KCNQ4: variants seen among roughly 807,000 people sequenced by gnomAD.
The protein encoded by KCNQ4 is potassium voltage-gated channel subfamily KQT member 4.
KCNQ4 carries 31 observed loss-of-function variants against 72.6 expected under a neutral mutation model. The observed-to-expected ratio is 0.43, with a 90% CI of 0.32 to 0.58. The LOEUF (loss-of-function observed/expected upper bound fraction) is 0.58. Among genes scored for constraint, KCNQ4 ranks in the 20% least tolerant of loss-of-function variants. KCNQ4 has a pLI of 0.08. For synonymous variants in KCNQ4, 405 were observed against 403.7 expected (o/e 1.00, Z -0.04); for missense variants, 869 against 962.6 (o/e 0.90, Z 1.29).
chr1:40,814,451 T>C (rs1352479857), intron 1 of KCNQ4, among the ~76,000 whole-genome samples: 2 of 152,166 alleles, frequency 1.3e-5, no homozygotes, highest in African/African-American at 4.8e-5. Flanking sequence ...GTGGCTTACA[T>C]TGCCAGCTCT....
intron 1 of KCNQ4, among the ~76,000 whole-genome samples, chr1:40,812,227 T>C (rs538259391): frequency 7.2e-5 from 11 of 152,268 alleles, no homozygotes; most frequent in African/African-American, 2.2e-4. Context: ...CTGGAAGATA[T>C]GGATAATTAT....
intron 7 of KCNQ4, 104 bp downstream of exon 7, chr1:40,820,364 C>A: frequency 1.0e-6 from 1 of 968,250 alleles, no homozygotes; most frequent in Non-Finnish European, 1.6e-6. Flanking sequence ...TGTGACACCA[C>A]TTTGAAGCTC....
Position 40,819,333 on chromosome 1 carries a change from C to T in KCNQ4, c.709-14C>T. 3.7e-6 allele frequency: 6 copies of T among 1,613,570 alleles called. No individual in the cohort carries two copies. The highest frequency in any genetic ancestry group is 5.1e-6 in the Non-Finnish European group (6 of 1,179,916). The stretch of plus-strand genomic sequence containing the variant: ...CACAGCGCTCCTCACCGCGCCCCTC[C>T]GCCTGCCCCGCAGGAGCTGATCACC... On this transcript the variant is annotated splice_polypyrimidine_tract_variant and intron_variant, in intron 4 of 13. Transcript: ENST00000347132.
At chr1:40,791,189 TCCTGAG>T (rs1647278040) in intron 1 of KCNQ4, among the ~76,000 whole-genome samples, 1 of 152,096 alleles carries the variant, frequency 6.6e-6, no homozygotes, top group South Asian at 2.1e-4. Flanking sequence ...CCACCCCAGT[TCCTGAG>T]CCTCGGTATC....
rs1347827973 is a variant in KCNQ4 at position 40,784,894 on chromosome 1, C to T, written c.314+487C>T. ...CAGGGGTGCTCCTCTCCAGGGCGGC[C>T]CTCATTCCTACCCCTGCCCAGCTGA... On this transcript the variant is annotated intron_variant, in intron 1 of 13. Coordinates refer to ENST00000347132, the MANE Select transcript of KCNQ4 (RefSeq NM_004700.4). This position sits in a 1 kb window ranked among gnomAD's most constrained non-coding sequence, Gnocchi z 4.1. Among the ~76,000 whole-genome samples, 1 of 152,214 alleles carries T rather than the reference C, an allele frequency of 6.6e-6. No individual in the cohort carries two copies. The highest frequency in any genetic ancestry group is 1.5e-5 in the Non-Finnish European group (1 of 68,028).
intron 1 of KCNQ4, among the ~76,000 whole-genome samples, chr1:40,805,645 G>A (rs1218546473): frequency 6.6e-6 from 1 of 151,990 alleles, no homozygotes; most frequent in African/African-American, 2.4e-5. Context: ...GAGGGGAAAA[G>A]AGCGCGTTTG....
In KCNQ4 at chr1:40,822,304, A is replaced by G. The variant is rs759852872; in HGVS notation, c.1042-10A>G. 1 of 1,613,156 alleles carries G rather than the reference A, an allele frequency of 6.2e-7. No individual in the cohort carries two copies. On this transcript the variant is annotated splice_polypyrimidine_tract_variant and intron_variant, in intron 7 of 13. Transcript: ENST00000347132. ...TGATGCCCCATCCCCCACGTCCCCC[A>G]TACCACCAGGCTGCCTGGCGCCTGT...
intron 1 of KCNQ4, among the ~76,000 whole-genome samples, chr1:40,791,949 A>T (rs1647291734): frequency 6.6e-6 from 1 of 151,480 alleles, no homozygotes; most frequent in African/African-American, 2.4e-5. Flanking sequence ...AATTGTCCCT[A>T]TCAAGCAAGG....
intron 10 of KCNQ4, 74 bp downstream of exon 10, chr1:40,831,378 G>A: frequency 7.7e-7 from 1 of 1,290,454 alleles, no homozygotes; most frequent in African/African-American, 1.5e-5. Context: ...TGGGCTGGGA[G>A]CAGAAAGATC....
At chr1:40,826,705 G>A (rs2025897) in intron 9 of KCNQ4, 24,102 of 454,662 alleles carry the variant, frequency 0.053, 827 homozygotes, top group East Asian at 0.083. Flanking sequence ...GTACCCCCTC[G>A]CCTGCTCCTC....
In KCNQ4 at chr1:40,838,671, C is replaced by T; in HGVS notation, c.*148C>T. 1 of 764,534 alleles carries T rather than the reference C, an allele frequency of 1.3e-6. No homozygotes were observed. 47.4% of individuals were successfully genotyped at this position (764,534 alleles called of 1,614,324 possible). On this transcript the variant is annotated 3_prime_UTR_variant, in exon 14 of 14. Coordinates refer to ENST00000347132, the MANE Select transcript of KCNQ4 (RefSeq NM_004700.4). Reference sequence around the variant, plus strand: ...CGCAGTATTGAGCTGCCTGAGTGGGCGTGGTACCTGCTGTGGGTGCCAGCG... The same window carrying T: ...CGCAGTATTGAGCTGCCTGAGTGGGTGTGGTACCTGCTGTGGGTGCCAGCG...
intron 1 of KCNQ4, among the ~76,000 whole-genome samples, chr1:40,807,192 A>G (rs1003488777): frequency 6.6e-6 from 1 of 152,010 alleles, no homozygotes; most frequent in Admixed American, 6.5e-5. Flanking sequence ...AGTTTGTTCT[A>G]TGTGCTGGCG....
Position 40,818,386 on chromosome 1 carries a change from C to A in KCNQ4, c.532+96C>A, listed in dbSNP as rs114794408. 1,122 of 1,584,766 alleles carry A rather than the reference C, an allele frequency of 7.1e-4. 8 individuals are homozygous for A. In the African/African-American group the frequency reaches 0.013, roughly 18 times the overall value. ...CCGACTCTGACCCTGGAGACCCGCA[C>A]AGATTCAGCGGACCCTCCCCCTCCC... On this transcript the variant is annotated intron_variant, in intron 3 of 13. Coordinates refer to ENST00000347132, the MANE Select transcript of KCNQ4 (RefSeq NM_004700.4).
intron 1 of KCNQ4, among the ~76,000 whole-genome samples, chr1:40,806,898 G>A (rs1647780563): frequency 1.3e-5 from 2 of 152,148 alleles, no homozygotes; most frequent in African/African-American, 4.8e-5. Flanking sequence ...GGCCCTTCTT[G>A]GGTCAGTCTC....
rs1478060341 is a variant in KCNQ4 at position 40,831,261 on chromosome 1, C to G, written c.1470C>G (p.Arg490=). ...GCTGGAGCTTCAATGACCGCACCCG[C>G]TTCCGGGCATCTCTGAGACTCAAAC... ...QKSWSFNDRT[R]FRASLRLKPR... is the part of the protein sequence containing the mutation. Residue 490 remains arginine, a synonymous_variant, in exon 10 of 14, where the codon CGC becomes CGG. Transcript: ENST00000347132. The G allele has an allele frequency of 1.2e-6, 2 of 1,607,484 alleles. No homozygotes were observed. Among genetic ancestry groups the G allele is most frequent in the East Asian group, 2.2e-5 (1 of 44,658 alleles).
intron 8 of KCNQ4, among the ~76,000 whole-genome samples, chr1:40,823,487 G>A (rs573382369): frequency 6.6e-6 from 1 of 152,196 alleles, no homozygotes; most frequent in African/African-American, 2.4e-5. Flanking sequence ...AGCCTAGTCT[G>A]GAGATTCTGG....
At chr1:40,798,036 A>T (rs1049715048) in intron 1 of KCNQ4, among the ~76,000 whole-genome samples, 7 of 152,064 alleles carry the variant, frequency 4.6e-5, no homozygotes, top group Admixed American at 1.3e-4. Context: ...TAATGGAGGG[A>T]CACCCTGGCG....
intron 2 of KCNQ4, 52 bp from the exon 3 acceptor site, chr1:40,818,112 G>A (rs1648153719): frequency 2.5e-6 from 4 of 1,612,826 alleles, no homozygotes; most frequent in Non-Finnish European, 3.4e-6. Flanking sequence ...GCTGTGACCT[G>A]GGCCCCAGTT....
intron 4 of KCNQ4, 41 bp from the exon 5 acceptor site, chr1:40,819,306 G>A: frequency 1.2e-6 from 2 of 1,612,660 alleles, no homozygotes; most frequent in Non-Finnish European, 1.7e-6. Flanking sequence ...CTCCCAGGCA[G>A]GCACAGCGCT....
Sources: gnomAD v4.1 joint callset for allele counts (sites outside exome capture counted in the v4.1 genomes callset) on GRCh38, gnomAD v4.1.1 for gene constraint, Gnocchi (gnomAD v3.1) non-coding constraint, MANE v1.5 for transcripts, NCBI Gene and HGNC (gene_info 2026-07-23, HGNC 2026-07-21) for gene names.